Variants in NUP133 observed in about 807,000 individuals in gnomAD.
The protein encoded by NUP133 is nucleoporin 133, also known as nuclear pore complex protein Nup133.
Under a neutral mutation model 146.2 loss-of-function variants are expected in NUP133, and 66 were observed. The ratio of observed to expected loss-of-function variants is 0.45; its 90% CI spans 0.37 to 0.55. The LOEUF (loss-of-function observed/expected upper bound fraction) is 0.55. NUP133 is among the 20% of genes least tolerant of loss of function. The pLI is 0.00. For synonymous variants in NUP133, 521 were observed against 498.8 expected (o/e 1.04, Z -0.59); for missense variants, 1,277 against 1,374.8 (o/e 0.93, Z 1.12).
At chr1:229,471,397 G>T (rs1660952277) in intron 14 of NUP133, among the ~76,000 whole-genome samples, 1 of 152,136 alleles carries the variant, frequency 6.6e-6, no homozygotes, top group African/African-American at 2.4e-5. Context: ...AATTACAGGT[G>T]TGAACCACTG....
At chr1:229,497,029 A>G (rs935855343) in intron 6 of NUP133, among the ~76,000 whole-genome samples, 2 of 152,204 alleles carry the variant, frequency 1.3e-5, no homozygotes, top group Admixed American at 6.5e-5. Flanking sequence ...TTAATCATGA[A>G]GTATAGATAT....
At chr1:229,497,907 G>A (rs1661697172) in intron 6 of NUP133, among the ~76,000 whole-genome samples, 1 of 152,184 alleles carries the variant, frequency 6.6e-6, no homozygotes, top group African/African-American at 2.4e-5. Context: ...TTCAAAAAAT[G>A]TACTTGTGAG....
Position 229,464,639 on chromosome 1 carries a change from G to A in NUP133, c.2536C>T (p.Leu846Phe), listed in dbSNP as rs760983338. 24 of 1,613,986 alleles carry A rather than the reference G, an allele frequency of 1.5e-5. No homozygotes were observed. Among genetic ancestry groups the A allele is most frequent in the Non-Finnish European group, 1.9e-5 (22 of 1,179,964 alleles). The change falls in exon 18 of 26, where the codon CTC becomes TTC. Residue 846 changes from leucine (L) to phenylalanine (F), a missense_variant. Transcript: ENST00000261396. ...EMEYLQKRSD[L>F]LSPLLSLGQY... ...ATGAACTTACGAAGAGGAGATAAGA[G>A]ATCTGATCTTTTCTGTAGGTATTCC...
Position 229,503,233 on chromosome 1 carries a change from G to A in NUP133, c.302-1131C>T, listed in dbSNP as rs1312300797. On this transcript the variant is annotated intron_variant, in intron 2 of 25. Transcript: ENST00000261396. ...GCAGAGGTTGCATTGAGCTGAGATCGCGCCACTGCACTCCAGCCTGGGCAA... is the reference window on the plus strand; with the variant it reads ...GCAGAGGTTGCATTGAGCTGAGATCACGCCACTGCACTCCAGCCTGGGCAA... Among the ~76,000 whole-genome samples the A allele has an allele frequency of 2.6e-5, 4 of 152,040 alleles. 1 individual carries two copies. The highest frequency in any genetic ancestry group is 6.5e-5 in the Admixed American group (1 of 15,272).
rs1661635718 is a variant in NUP133 at position 229,495,553 on chromosome 1, T to C, written c.988A>G (p.Asn330Asp). Residue 330 changes from asparagine to aspartate, a missense_variant, in exon 8 of 26, where the codon AAC becomes GAC. Around this residue, in one of 3 missense-constraint regions of NUP133, gnomAD observed 952 missense variants for 1,047.0 expected, o/e 0.91. Coordinates refer to ENST00000261396, the MANE Select transcript of NUP133 (RefSeq NM_018230.3). ...ACTCCTTCTTTAATAGCTTCATAGT[T>C]ACTTTCAGATCCCTACATGAAAATA... is the stretch of plus-strand genomic sequence containing the variant. Reference protein sequence around the residue: ...ITDAIWGSESNYEAIKEGVNI... With the variant: ...ITDAIWGSESDYEAIKEGVNI... 2 of 1,608,008 alleles carry C rather than the reference T, an allele frequency of 1.2e-6. No homozygotes were observed. The highest frequency in any genetic ancestry group is 1.7e-6 in the Non-Finnish European group (2 of 1,175,078).
chr1:229,454,954 T>C (rs1660528439), intron 21 of NUP133, among the ~76,000 whole-genome samples: 1 of 152,350 alleles, frequency 6.6e-6, no homozygotes, highest in South Asian at 2.1e-4. Flanking sequence ...GTACTTAATA[T>C]ATGCAAGCCA....
intron 8 of NUP133, 35 bp from the exon 9 acceptor site, chr1:229,490,137 T>TA (rs766472891): frequency 8.2e-6 from 12 of 1,467,424 alleles, no homozygotes; most frequent in African/African-American, 2.9e-5. Flanking sequence ...AAAGCCTCTC[T>TA]AAAAAACAAC....
At position 229,441,852 on chromosome 1, in the gene NUP133, A is replaced by G. The variant is rs940369402; in HGVS notation, c.*52T>C. 1.6e-5 allele frequency: 23 copies of G among 1,434,902 alleles called. No homozygotes were observed. In the African/African-American group the frequency reaches 3.1e-4, roughly 19 times the overall value. The allele number at this position is 1,434,902 out of a possible 1,614,324, so 88.9% of individuals were successfully genotyped here. On this transcript the variant is annotated 3_prime_UTR_variant, in exon 26 of 26. Transcript: ENST00000261396. The stretch of plus-strand genomic sequence containing the variant: ...CACTTGTTTATGGCCTAAAATTTGT[A>G]TAAGGACACACTTATACAGATTTCA...
intron 6 of NUP133, among the ~76,000 whole-genome samples, chr1:229,497,750 G>C (rs1345305591): frequency 2.0e-5 from 3 of 152,200 alleles, no homozygotes; most frequent in Non-Finnish European, 4.4e-5. Flanking sequence ...GCTAGAGTAT[G>C]GTGCAGAGAA....
Position 229,442,046 on chromosome 1 carries a change from AAC to A in NUP133, c.3335-8_3335-7del. On this transcript the variant is annotated splice_region_variant and splice_polypyrimidine_tract_variant and intron_variant, in intron 25 of 25. Transcript: ENST00000261396. Reference sequence around the variant, plus strand: ...GTACTCACTGAGCTGAATGCCTATAAACACAAACACAAGAAGTCATTTTTCAA... The same window carrying A: ...GTACTCACTGAGCTGAATGCCTATAAACAAACACAAGAAGTCATTTTTCAA... The A allele has an allele frequency of 6.4e-7, 1 of 1,552,608 alleles. No homozygotes were observed. The highest frequency in any genetic ancestry group is 1.4e-5 in the African/African-American group (1 of 70,618).
chr1:229,475,713 A>G lies in NUP133; in HGVS notation c.1776T>C (p.Asn592=), dbSNP rs775987147. The part of the protein sequence containing the change: ...SVPEEAPGFS[N]TSLIILHQLE... ...GCTGGTGAAGGATAATCAGTGACGT[A>G]TTGCTGAACCCAGGTGCTTCTGTTA... is the stretch of plus-strand genomic sequence containing the variant. The change falls in exon 14 of 26, where the codon AAT becomes AAC. Residue 592 remains asparagine (N), a synonymous_variant. Transcript: ENST00000261396. 2 of 1,614,010 alleles carry G rather than the reference A, an allele frequency of 1.2e-6. No homozygotes were observed. Among genetic ancestry groups the G allele is most frequent in the Admixed American group, 3.3e-5 (2 of 60,026 alleles).
chr1:229,492,255 C>T (rs1205016118), intron 8 of NUP133, among the ~76,000 whole-genome samples: 7 of 151,880 alleles, frequency 4.6e-5, no homozygotes, highest in East Asian at 1.9e-4. Context: ...TACAGGCATG[C>T]GCCACCACAC....
chr1:229,445,827 C>A (rs1170885983), intron 24 of NUP133, among the ~76,000 whole-genome samples: 1 of 152,134 alleles, frequency 6.6e-6, no homozygotes, highest in Non-Finnish European at 1.5e-5. Flanking sequence ...CAGGGACTGA[C>A]CTCTAAGACT....
intron 1 of NUP133, 33 bp downstream of exon 1, chr1:229,508,035 T>G: frequency 7.0e-7 from 1 of 1,427,328 alleles, no homozygotes; most frequent in Non-Finnish European, 9.2e-7. Context: ...GTGAGGCTGT[T>G]GGTTGCCAGA....
intron 21 of NUP133, among the ~76,000 whole-genome samples, chr1:229,455,723 A>C (rs1392131961): frequency 1.3e-5 from 2 of 152,128 alleles, no homozygotes; most frequent in South Asian, 2.1e-4. Flanking sequence ...TTTTTTCAGC[A>C]TATGAAGGTT....
At chr1:229,502,244 C>A in intron 2 of NUP133, 142 bp from the exon 3 acceptor site, 1 of 603,786 alleles carries the variant, frequency 1.7e-6, no homozygotes, top group Admixed American at 2.8e-5. Context: ...ATTATCAACA[C>A]CAAAAACAAT....
intron 9 of NUP133, among the ~76,000 whole-genome samples, chr1:229,488,644 TTCAATTAAACAAGTCATG>T (rs1320355327): frequency 1.3e-5 from 2 of 151,536 alleles, no homozygotes; most frequent in African/African-American, 4.9e-5. Flanking sequence ...TCTTACAGGA[TTCAATTAAACAAGTCATG>T]TTAAGAGTAA....
At chr1:229,483,745 C>T (rs1193347763) in intron 12 of NUP133, among the ~76,000 whole-genome samples, 2 of 150,744 alleles carry the variant, frequency 1.3e-5, no homozygotes, top group Non-Finnish European at 3.0e-5. Context: ...TTATTTGCAC[C>T]TTAACGTTAT....
At position 229,449,370 on chromosome 1, in the gene NUP133, CT is replaced by C. The variant is rs71173728; in HGVS notation, c.3181-181del. Among the ~76,000 whole-genome samples, 192 of 139,664 alleles carry C rather than the reference CT, an allele frequency of 1.4e-3. 1 individual carries two copies. The highest frequency in any genetic ancestry group is 2.3e-3 in the South Asian group (10 of 4,368). 91.6% of individuals were successfully genotyped at this position (139,664 alleles called of 152,430 possible). ...AACCTTGAGAGGGGTAAGAGTTTTT[CT>C]TTTTTTTTTTTTTTGAGACGGAGTC... On this transcript the variant is annotated intron_variant, in intron 23 of 25. Coordinates refer to ENST00000261396, the MANE Select transcript of NUP133 (RefSeq NM_018230.3).
Sources: allele counts gnomAD v4.1 joint callset (sites outside exome capture counted in the v4.1 genomes callset), GRCh38; gene constraint gnomAD v4.1.1; regional missense constraint gnomAD v4.1.1; transcripts MANE v1.5; gene names NCBI Gene and HGNC (gene_info 2026-07-23, HGNC 2026-07-21).